ERBB4: variants seen among roughly 807,000 people sequenced by gnomAD.
The protein encoded by ERBB4 is receptor tyrosine-protein kinase erbB-4.
A neutral mutation model predicts 158.0 loss-of-function variants in ERBB4; 42 were observed. The ratio of observed to expected loss-of-function variants is 0.27; its 90% CI spans 0.21 to 0.34. The LOEUF (loss-of-function observed/expected upper bound fraction) is 0.34, where lower values mean the gene tolerates loss of function less well. Among genes scored for constraint, ERBB4 ranks in the 10% least tolerant of loss-of-function variants. ERBB4 has a pLI of 1.00. For synonymous variants in ERBB4, 583 were observed against 558.7 expected (o/e 1.04, Z -0.61); for missense variants, 1,333 against 1,624.1 (o/e 0.82, Z 3.08).
intron 2 of ERBB4, among the ~76,000 whole-genome samples, chr2:212,102,821 T>A (rs1044572371): frequency 2.0e-5 from 3 of 152,118 alleles, no homozygotes; most frequent in Non-Finnish European, 2.9e-5. Context: ...ATCCTTGACA[T>A]CTACAGCTAT....
rs115306643 is a variant in ERBB4, at chr2:212,042,271, C to T, written c.234+82481G>A. On this transcript the variant is annotated intron_variant, in intron 2 of 27. Coordinates refer to ENST00000342788, the MANE Select transcript of ERBB4 (RefSeq NM_005235.3). Reference sequence around the variant, plus strand: ...ATGTAACACAATAAGACCTTGCAGGCGCTTTCCTTTCTACATGCTGATCTT... The same window carrying T: ...ATGTAACACAATAAGACCTTGCAGGTGCTTTCCTTTCTACATGCTGATCTT... 6.3e-3 allele frequency among the ~76,000 whole-genome samples: 964 copies of T among 152,160 alleles called. 4 individuals carry two copies. The highest frequency in any genetic ancestry group is 0.01 in the Non-Finnish European group (706 of 67,938).
chr2:212,202,879 T>C (rs1014193765), intron 1 of ERBB4, among the ~76,000 whole-genome samples: 21 of 152,030 alleles, frequency 1.4e-4, no homozygotes, highest in Admixed American at 6.6e-5. Context: ...TTTATGTATA[T>C]TAGTTTCTGG....
chr2:211,491,853 A>G (rs2065351468), intron 20 of ERBB4, among the ~76,000 whole-genome samples: 1 of 152,044 alleles, frequency 6.6e-6, no homozygotes, highest in South Asian at 2.1e-4. Context: ...ATCCAGTAAG[A>G]ACTTGATAAA....
At chr2:211,833,558 T>G (rs181764019) in intron 3 of ERBB4, among the ~76,000 whole-genome samples, 1 of 151,946 alleles carries the variant, frequency 6.6e-6, no homozygotes, top group Admixed American at 6.6e-5. Flanking sequence ...TAGATAGATA[T>G]GATCATCTTC....
intron 25 of ERBB4, among the ~76,000 whole-genome samples, chr2:211,393,187 T>C (rs568332312): frequency 1.3e-5 from 2 of 152,274 alleles, no homozygotes; most frequent in South Asian, 4.1e-4. Flanking sequence ...TTGTGTTTCA[T>C]AGATGAATAC....
chr2:211,682,636 T>G (rs1214662607), intron 12 of ERBB4, among the ~76,000 whole-genome samples: 1 of 152,250 alleles, frequency 6.6e-6, no homozygotes, highest in Non-Finnish European at 1.5e-5. Flanking sequence ...AGATATCCTT[T>G]CTGTATGAAA....
At chr2:212,213,829 T>C (rs1485295907) in intron 1 of ERBB4, among the ~76,000 whole-genome samples, 1 of 151,872 alleles carries the variant, frequency 6.6e-6, no homozygotes, top group African/African-American at 2.4e-5. Flanking sequence ...TTTTAGGTTG[T>C]AGCTGTATTC....
intron 20 of ERBB4, among the ~76,000 whole-genome samples, chr2:211,554,155 G>T (rs1383870211): frequency 6.6e-6 from 1 of 152,218 alleles, no homozygotes; most frequent in African/African-American, 2.4e-5. Flanking sequence ...GCAGTGATGT[G>T]TGTGTGTATG....
At chr2:211,616,305 T>C (rs1003839298) in intron 19 of ERBB4, among the ~76,000 whole-genome samples, 1 of 152,102 alleles carries the variant, frequency 6.6e-6, no homozygotes, top group Non-Finnish European at 1.5e-5. Context: ...CAGCTAGCTT[T>C]ATTAGTTCTC....
chr2:212,337,238 T>C (rs2088485777), intron 1 of ERBB4, among the ~76,000 whole-genome samples: 1 of 152,082 alleles, frequency 6.6e-6, no homozygotes, highest in Admixed American at 6.6e-5. Context: ...TCCTTTTGTA[T>C]CATTTGGTAA....
intron 2 of ERBB4, among the ~76,000 whole-genome samples, chr2:211,992,065 T>C (rs1360545424): frequency 6.6e-6 from 1 of 152,176 alleles, no homozygotes; most frequent in Non-Finnish European, 1.5e-5. Context: ...TGTTCCAACC[T>C]CTGCCTGTTA....
Position 212,329,734 on chromosome 2 carries a change from T to C in ERBB4, c.83-204831A>G, listed in dbSNP as rs150352123. Among the ~76,000 whole-genome samples the C allele has an allele frequency of 6.6e-5, 10 of 152,210 alleles. No individual in the cohort carries two copies. The East Asian group carries it at 1.9e-3, about 30-fold the overall frequency. The stretch of plus-strand genomic sequence containing the variant: ...TAACCTGTTACTGCTTCTGCTGGCC[T>C]AGTGTCACTTACTTCTGAGAAAAGC... On this transcript the variant is annotated intron_variant, in intron 1 of 27. Coordinates refer to ENST00000342788, the MANE Select transcript of ERBB4 (RefSeq NM_005235.3).
At chr2:212,310,080 A>T (rs113427904) in intron 1 of ERBB4, among the ~76,000 whole-genome samples, 2,186 of 150,686 alleles carry the variant, frequency 0.015, 49 homozygotes, top group African/African-American at 0.051. Context: ...TTTCTATAAT[A>T]AACTGCCCCT....
chr2:212,148,532 G>A (rs1389123839), intron 1 of ERBB4, among the ~76,000 whole-genome samples: 1 of 152,150 alleles, frequency 6.6e-6, no homozygotes, highest in African/African-American at 2.4e-5. Context: ...GAGGATGAAA[G>A]AGATGGGAGA....
intron 20 of ERBB4, among the ~76,000 whole-genome samples, chr2:211,526,252 G>A (rs886862402): frequency 4.6e-5 from 7 of 152,042 alleles, no homozygotes; most frequent in East Asian, 1.9e-4. Context: ...AACACAGAGG[G>A]AGAGACTCCA....
intron 2 of ERBB4, among the ~76,000 whole-genome samples, chr2:212,059,462 C>CA (rs1424076213): frequency 6.6e-6 from 1 of 151,994 alleles, no homozygotes; most frequent in African/African-American, 2.4e-5. Flanking sequence ...CATATGGAAC[C>CA]AAAAAAGAGC....
chr2:212,021,992 G>T (rs2076662232), intron 2 of ERBB4, among the ~76,000 whole-genome samples: 1 of 152,176 alleles, frequency 6.6e-6, no homozygotes, highest in Non-Finnish European at 1.5e-5. Context: ...ACACCAGTCA[G>T]AATTGTGATT....
chr2:211,701,207 G>A (rs73985808), intron 12 of ERBB4, among the ~76,000 whole-genome samples: 7,375 of 152,168 alleles, frequency 0.048, 192 homozygotes, highest in Middle Eastern at 0.088. Context: ...AAAACACCTT[G>A]AACATATACT....
chr2:212,192,049 TTATATGTTATATATGTTA>T (rs1559707864), intron 1 of ERBB4, among the ~76,000 whole-genome samples: 1 of 43,928 alleles, frequency 2.3e-5, no homozygotes, highest in African/African-American at 6.4e-5. Context: ...TATATATATG[TTATATGTTATATATGTTA>T]TATGTTATAT....
Sources: gnomAD v4.1 joint callset for allele counts (sites outside exome capture counted in the v4.1 genomes callset) on GRCh38, gnomAD v4.1.1 for gene constraint, MANE v1.5 for transcripts, NCBI Gene and HGNC (gene_info 2026-07-23, HGNC 2026-07-21) for gene names.